Variants in CCSER1 observed in about 807,000 individuals in gnomAD.
The protein encoded by CCSER1 is serine-rich coiled-coil domain-containing protein 1.
CCSER1 carries 41 observed loss-of-function variants against 82.0 expected under a neutral mutation model. The observed-to-expected ratio is 0.50, with a 90% CI of 0.39 to 0.65. CCSER1 has a LOEUF of 0.65. Ranked by LOEUF, CCSER1 falls within the 30% of genes least tolerant of loss-of-function variation. The pLI is 0.00. For missense variants in CCSER1, 1,119 were observed against 1,064.2 expected, an observed-to-expected ratio of 1.05 and a Z score of -0.72; for synonymous variants, 414 against 383.9, an observed-to-expected ratio of 1.08 and a Z score of -0.92.
chr4:90,233,294 TA>T (rs1298759513), intron 1 of CCSER1, among the ~76,000 whole-genome samples: 1 of 152,030 alleles, frequency 6.6e-6, no homozygotes, highest in African/African-American at 2.4e-5. Context: ...TATGCAGCCA[TA>T]AAAAATGATG....
intron 10 of CCSER1, among the ~76,000 whole-genome samples, chr4:91,203,117 G>T (rs1480300117): frequency 6.6e-6 from 1 of 151,828 alleles, no homozygotes; most frequent in African/African-American, 2.4e-5. Flanking sequence ...CACCAACAGT[G>T]TAAAAGTGTT....
chr4:90,724,394 T>C (rs1425458411), intron 7 of CCSER1, among the ~76,000 whole-genome samples: 1 of 151,974 alleles, frequency 6.6e-6, no homozygotes, highest in Non-Finnish European at 1.5e-5. Context: ...AATGATGTAA[T>C]CCTTTTAAAA....
chr4:91,296,543 T>C (rs1230488277), intron 10 of CCSER1, among the ~76,000 whole-genome samples: 1 of 146,844 alleles, frequency 6.8e-6, no homozygotes. Context: ...AAAATAACAA[T>C]ATAACTATAG....
intron 9 of CCSER1, among the ~76,000 whole-genome samples, chr4:91,078,313 G>A (rs997719589): frequency 2.0e-5 from 3 of 150,196 alleles, no homozygotes; most frequent in Admixed American, 1.3e-4. Context: ...CAGGCAAACA[G>A]GGTCTGGAGT....
At chr4:91,121,625 C>G (rs565469340) in intron 10 of CCSER1, among the ~76,000 whole-genome samples, 2 of 151,414 alleles carry the variant, frequency 1.3e-5, no homozygotes, top group African/African-American at 4.8e-5. Context: ...GCACTATTAA[C>G]TTAGTATCTA....
intron 8 of CCSER1, among the ~76,000 whole-genome samples, chr4:90,834,098 A>G (rs576319472): frequency 2.6e-5 from 4 of 152,296 alleles, no homozygotes; most frequent in Admixed American, 1.3e-4. Context: ...AAATGGACTA[A>G]GAGAAGTTTG....
chr4:90,191,005 T>A (rs1281169073), intron 1 of CCSER1, among the ~76,000 whole-genome samples: 2 of 151,768 alleles, frequency 1.3e-5, no homozygotes, highest in Admixed American at 6.6e-5. Context: ...GTCAAAACAA[T>A]CTAATGACAA....
chr4:90,858,225 C>T (rs1206277987), intron 8 of CCSER1, among the ~76,000 whole-genome samples: 1 of 151,930 alleles, frequency 6.6e-6, no homozygotes, highest in Non-Finnish European at 1.5e-5. Flanking sequence ...TTTCTTATTG[C>T]TTCAAATAGT....
At chr4:90,455,360 G>A (rs1343385837) in intron 4 of CCSER1, among the ~76,000 whole-genome samples, 1 of 152,166 alleles carries the variant, frequency 6.6e-6, no homozygotes, top group African/African-American at 2.4e-5. Flanking sequence ...CACTCTAGAG[G>A]AGTATAGGTT....
At chr4:91,589,207 G>A (rs185915063) in intron 10 of CCSER1, among the ~76,000 whole-genome samples, 21 of 151,618 alleles carry the variant, frequency 1.4e-4, no homozygotes, top group East Asian at 5.8e-4. Context: ...AGGTAAATAC[G>A]TTACTTTTAG....
At chr4:90,660,718 A>G (rs1211978141) in intron 6 of CCSER1, among the ~76,000 whole-genome samples, 1 of 152,180 alleles carries the variant, frequency 6.6e-6, no homozygotes, top group African/African-American at 2.4e-5. Flanking sequence ...AATAGATATT[A>G]AATACATTTT....
chr4:91,426,960 T>C (rs887517937), intron 10 of CCSER1, among the ~76,000 whole-genome samples: 8 of 152,076 alleles, frequency 5.3e-5, no homozygotes, highest in African/African-American at 1.9e-4. Context: ...GCTGTTACCA[T>C]CCCCATTTTC....
chr4:90,893,857 C>A (rs918543515), intron 8 of CCSER1, among the ~76,000 whole-genome samples: 4 of 151,538 alleles, frequency 2.6e-5, no homozygotes, highest in Non-Finnish European at 5.9e-5. Flanking sequence ...ATTTAGCAGT[C>A]TATAATTTTT....
intron 4 of CCSER1, among the ~76,000 whole-genome samples, chr4:90,441,614 G>T (rs1014595785): frequency 9.9e-5 from 15 of 152,096 alleles, no homozygotes; most frequent in African/African-American, 3.6e-4. Flanking sequence ...TTTGGGGGTG[G>T]TGACACGATT....
At chr4:90,881,782 C>T (rs1030857878) in intron 8 of CCSER1, among the ~76,000 whole-genome samples, 8 of 152,042 alleles carry the variant, frequency 5.3e-5, no homozygotes, top group Non-Finnish European at 1.2e-4. Flanking sequence ...AAGACCATGT[C>T]TCAAAAAGAA....
At chr4:90,708,007 C>A (rs1209053593) in intron 6 of CCSER1, among the ~76,000 whole-genome samples, 2 of 152,154 alleles carry the variant, frequency 1.3e-5, no homozygotes, top group African/African-American at 4.8e-5. Context: ...GCTCTATCAG[C>A]CAAATCTGTC....
chr4:91,202,928 T>C (rs1469446714), intron 10 of CCSER1, among the ~76,000 whole-genome samples: 1 of 149,856 alleles, frequency 6.7e-6, no homozygotes, highest in South Asian at 2.1e-4. Context: ...ATATGTTCTT[T>C]AAAGTATTTA....
chr4:90,815,676 C>G, intron 7 of CCSER1, 86 bp from the exon 8 acceptor site: 1 of 817,948 alleles, frequency 1.2e-6, no homozygotes, highest in South Asian at 2.0e-5. Flanking sequence ...ATGCAATTAT[C>G]TCCCACTGTG....
At chr4:90,718,443 C>T (rs981130291) in intron 6 of CCSER1, among the ~76,000 whole-genome samples, 3 of 152,050 alleles carry the variant, frequency 2.0e-5, no homozygotes, top group African/African-American at 7.2e-5. Flanking sequence ...GGAATTATAG[C>T]ATTCAGTAAA....
Sources: allele counts gnomAD v4.1 joint callset (sites outside exome capture counted in the v4.1 genomes callset), GRCh38; gene constraint gnomAD v4.1.1; transcripts MANE v1.5; gene names NCBI Gene and HGNC (gene_info 2026-07-23, HGNC 2026-07-21).